SNTG2: variants seen among roughly 807,000 people sequenced by gnomAD.
The protein encoded by SNTG2 is syntrophin gamma 2.
Under a neutral mutation model 70.9 loss-of-function variants are expected in SNTG2, and 74 were observed. The observed-to-expected ratio is 1.04, with a 90% CI of 0.86 to 1.27. The LOEUF (loss-of-function observed/expected upper bound fraction) is 1.27. SNTG2 is among the 50% of genes most tolerant of loss of function. The pLI is 0.00. For synonymous variants in SNTG2, 278 were observed against 273.8 expected, an observed-to-expected ratio of 1.02 and a Z score of -0.15; for missense variants, 717 against 690.7, an observed-to-expected ratio of 1.04 and a Z score of -0.43.
intron 4 of SNTG2, among the ~76,000 whole-genome samples, chr2:1,126,382 C>T (rs1213542283): frequency 6.6e-6 from 1 of 152,238 alleles, no homozygotes; most frequent in African/African-American, 2.4e-5. Flanking sequence ...TATTCATTCA[C>T]CTGTTGTGGG....
Position 1,152,703 on chromosome 2 carries a change from G to A in SNTG2, c.412-12845G>A, listed in dbSNP as rs138995877. ...CCTGAGAGGATCTGAGCCTTTATCC[G>A]GCAGGTAGATTTTCTTTTTCCTCAG... On this transcript the variant is annotated intron_variant, in intron 6 of 16. Transcript: ENST00000308624. Among the ~76,000 whole-genome samples, 594 of 152,300 alleles carry A rather than the reference G, an allele frequency of 3.9e-3. 5 individuals carry two copies. Among genetic ancestry groups the A allele is most frequent in the South Asian group, 0.02 (97 of 4,822 alleles).
intron 1 of SNTG2, among the ~76,000 whole-genome samples, chr2:1,053,774 G>T (rs941581280): frequency 3.0e-4 from 46 of 152,174 alleles, no homozygotes; most frequent in Middle Eastern, 6.8e-3. Flanking sequence ...CATTGATTCT[G>T]ATTACTTTAA....
chr2:1,081,881 G>A lies in SNTG2; in HGVS notation c.73-1637G>A, dbSNP rs143517930. Among the ~76,000 whole-genome samples the A allele has an allele frequency of 1.3e-3, 192 of 152,370 alleles. 2 individuals are homozygous for A. Among genetic ancestry groups the A allele is most frequent in the Middle Eastern group, 6.8e-3 (2 of 294 alleles). The stretch of plus-strand genomic sequence containing the variant: ...GGGTGAGGTGTGGATTGCAGTGGCC[G>A]GTCCCTGGGCTGCCAGCCAGATAGT... On this transcript the variant is annotated intron_variant, in intron 1 of 16. Transcript: ENST00000308624.
chr2:1,286,835 C>T (rs1257140105), intron 14 of SNTG2, among the ~76,000 whole-genome samples: 2 of 152,198 alleles, frequency 1.3e-5, no homozygotes, highest in African/African-American at 2.4e-5. Flanking sequence ...TCAATCCAAT[C>T]GAATTGACAC....
intron 8 of SNTG2, among the ~76,000 whole-genome samples, chr2:1,189,878 A>G (rs1365569595): frequency 1.3e-5 from 2 of 152,158 alleles, no homozygotes; most frequent in African/African-American, 2.4e-5. Flanking sequence ...TACTTCATAT[A>G]ACAGAGGGTG....
chr2:1,139,026 G>A (rs1572539942), intron 6 of SNTG2, among the ~76,000 whole-genome samples: 2 of 152,344 alleles, frequency 1.3e-5, no homozygotes, highest in Middle Eastern at 3.4e-3. Context: ...GGCAGAGGAA[G>A]GAGTCACAAC....
At chr2:1,222,492 T>C (rs4971420) in intron 9 of SNTG2, among the ~76,000 whole-genome samples, 31,873 of 113,708 alleles carry the variant, frequency 0.28, 3,999 homozygotes, top group African/African-American at 0.37. Flanking sequence ...AGGAAAGTGG[T>C]GCAGTGATGG....
chr2:1,114,682 A>G (rs948059402), intron 4 of SNTG2, among the ~76,000 whole-genome samples: 5 of 151,868 alleles, frequency 3.3e-5, no homozygotes, highest in African/African-American at 1.2e-4. Flanking sequence ...CAGTCCTTTG[A>G]GAAGGATCGT....
chr2:1,175,686 C>G (rs1000553964), intron 8 of SNTG2, among the ~76,000 whole-genome samples: 1 of 152,190 alleles, frequency 6.6e-6, no homozygotes, highest in Non-Finnish European at 1.5e-5. Flanking sequence ...AACACCCTGT[C>G]CCCCAAGCCA....
chr2:1,234,963 A>C (rs1056579120), intron 9 of SNTG2, among the ~76,000 whole-genome samples: 2 of 152,160 alleles, frequency 1.3e-5, no homozygotes, highest in Non-Finnish European at 2.9e-5. Context: ...TACGTCACCA[A>C]CCCTGAGAAT....
intron 1 of SNTG2, among the ~76,000 whole-genome samples, chr2:1,064,526 G>A (rs1176045056): frequency 4.0e-5 from 6 of 151,790 alleles, no homozygotes; most frequent in Non-Finnish European, 8.8e-5. Context: ...TCATGACAGC[G>A]TGACTATAGA....
At chr2:1,254,290 T>C (rs1677923787) in intron 12 of SNTG2, among the ~76,000 whole-genome samples, 1 of 152,170 alleles carries the variant, frequency 6.6e-6, no homozygotes, top group Admixed American at 6.5e-5. Context: ...CTGGAAGAGC[T>C]GAGATTAAAG....
In SNTG2 at chr2:1,165,552, A is replaced by T. The variant is rs1314724369; in HGVS notation, c.416A>T (p.His139Leu). Residue 139 changes from histidine to leucine, a missense_variant, in exon 7 of 17, where the codon CAT becomes CTT. Coordinates refer to ENST00000308624, the MANE Select transcript of SNTG2 (RefSeq NM_018968.4). ...VENATHEEVV[H>L]LLRNAGDEVT... Reference sequence around the variant, plus strand: ...CTATTTTTGTCATATTGACAGGTGCATCTGCTGAGAAATGCTGGCGATGAA... The same window carrying T: ...CTATTTTTGTCATATTGACAGGTGCTTCTGCTGAGAAATGCTGGCGATGAA... 4 of 1,611,854 alleles carry T rather than the reference A, an allele frequency of 2.5e-6. No individual in the cohort carries two copies. In the African/African-American group the frequency reaches 5.3e-5, roughly 22 times the overall value.
At chr2:1,081,291 A>G (rs1664277672) in intron 1 of SNTG2, among the ~76,000 whole-genome samples, 2 of 152,186 alleles carry the variant, frequency 1.3e-5, no homozygotes, top group African/African-American at 4.8e-5. Context: ...GCGGGAGGCA[A>G]TGGTGAGATA....
chr2:966,855 G>A (rs1317931666), intron 1 of SNTG2, among the ~76,000 whole-genome samples: 1 of 152,118 alleles, frequency 6.6e-6, no homozygotes. Context: ...GCTGAGGCAG[G>A]AGAATTGCTT....
At chr2:1,340,385 T>G (rs1187370461) in intron 16 of SNTG2, among the ~76,000 whole-genome samples, 1 of 152,232 alleles carries the variant, frequency 6.6e-6, no homozygotes, top group African/African-American at 2.4e-5. Flanking sequence ...CTTTCCAGGA[T>G]AGAAAGGGCA....
chr2:1,069,588 C>T (rs955738183), intron 1 of SNTG2, among the ~76,000 whole-genome samples: 1 of 151,602 alleles, frequency 6.6e-6, no homozygotes, highest in Non-Finnish European at 1.5e-5. Context: ...GTCAAGAGAT[C>T]GAGATCATCC....
intron 1 of SNTG2, among the ~76,000 whole-genome samples, chr2:1,058,836 A>G (rs892661719): frequency 5.9e-5 from 9 of 152,332 alleles, no homozygotes; most frequent in African/African-American, 1.9e-4. Context: ...AATGAAAGTC[A>G]GATGAACTGA....
chr2:1,095,118 T>C (rs1234651477), intron 2 of SNTG2, among the ~76,000 whole-genome samples: 2 of 152,180 alleles, frequency 1.3e-5, no homozygotes, highest in African/African-American at 2.4e-5. Context: ...GAGAGCGCTG[T>C]ATCTGCTGTC....
Sources: gnomAD v4.1 joint callset for allele counts (sites outside exome capture counted in the v4.1 genomes callset) on GRCh38, gnomAD v4.1.1 for gene constraint, MANE v1.5 for transcripts, NCBI Gene and HGNC (gene_info 2026-07-23, HGNC 2026-07-21) for gene names.